Variants in NRG1 observed in about 807,000 individuals in gnomAD.
The protein encoded by NRG1 is pro-neuregulin-1, membrane-bound isoform.
A neutral mutation model predicts 63.8 loss-of-function variants in NRG1; 18 were observed. That is an observed-to-expected ratio of 0.28 (90% CI 0.19 to 0.42). The LOEUF (loss-of-function observed/expected upper bound fraction) is 0.42. Among genes scored for constraint, NRG1 ranks in the 10% least tolerant of loss-of-function variants. The pLI is 1.00. For missense variants in NRG1, 762 were observed against 814.7 expected (o/e 0.94, Z 0.79); for synonymous variants, 302 against 301.3 (o/e 1.00, Z -0.02).
intron 1 of NRG1, among the ~76,000 whole-genome samples, chr8:32,429,707 T>C (rs1016604552): frequency 6.6e-6 from 1 of 152,172 alleles, no homozygotes; most frequent in Non-Finnish European, 1.5e-5. Flanking sequence ...AAAGAAGTTA[T>C]CGCAAACAGT....
intron 7 of NRG1, chr8:32,743,055 A>G (rs945315481): frequency 1.8e-6 from 2 of 1,113,894 alleles, no homozygotes; most frequent in African/African-American, 3.2e-5. Flanking sequence ...TCAAAGTCTC[A>G]CTTTTATTGA....
At chr8:31,756,415 G>A (rs866847359) in intron 1 of NRG1, among the ~76,000 whole-genome samples, 7 of 152,180 alleles carry the variant, frequency 4.6e-5, no homozygotes, top group Non-Finnish European at 1.0e-4. Context: ...AGAAGTCAGT[G>A]AAGTCAACCT....
intron 1 of NRG1, among the ~76,000 whole-genome samples, chr8:31,762,451 G>T (rs1483249993): frequency 6.6e-6 from 1 of 152,158 alleles, no homozygotes; most frequent in East Asian, 1.9e-4. Context: ...GTCACTGATG[G>T]GCATATGGAC....
intron 1 of NRG1, among the ~76,000 whole-genome samples, chr8:32,159,446 A>G (rs1024736160): frequency 6.7e-6 from 1 of 148,470 alleles, no homozygotes; most frequent in Non-Finnish European, 1.5e-5. Context: ...AGGCAGGAGA[A>G]TGGCGTGAAC....
intron 1 of NRG1, among the ~76,000 whole-genome samples, chr8:31,754,424 G>A (rs898723719): frequency 1.3e-5 from 2 of 152,036 alleles, no homozygotes; most frequent in South Asian, 2.1e-4. Flanking sequence ...GCCGTGTGAC[G>A]TGGCTACACC....
intron 1 of NRG1, among the ~76,000 whole-genome samples, chr8:32,505,886 T>C (rs541789956): frequency 1.1e-4 from 16 of 152,306 alleles, no homozygotes; most frequent in African/African-American, 3.8e-4. Flanking sequence ...CTAGTGTTTT[T>C]TAGGGTCCTT....
At chr8:32,466,866 A>T in intron 1 of NRG1, among the ~76,000 whole-genome samples, 1 of 152,260 alleles carries the variant, frequency 6.6e-6, no homozygotes, top group East Asian at 1.9e-4. Context: ...TCTGATACAT[A>T]TGTGAATATT....
intron 1 of NRG1, among the ~76,000 whole-genome samples, chr8:32,123,533 G>A (rs1014393914): frequency 1.6e-4 from 24 of 150,974 alleles, no homozygotes; most frequent in Non-Finnish European, 2.5e-4. Flanking sequence ...CATTAGCAGC[G>A]TGAGAACAGA....
intron 1 of NRG1, among the ~76,000 whole-genome samples, chr8:31,672,525 T>C (rs984571479): frequency 1.3e-5 from 2 of 152,136 alleles, no homozygotes; most frequent in African/African-American, 4.8e-5. Context: ...TGCTAGCTCA[T>C]GTTTTAGAAC....
chr8:31,664,748 A>G (rs1806349416), intron 1 of NRG1, among the ~76,000 whole-genome samples: 1 of 152,168 alleles, frequency 6.6e-6, no homozygotes. Context: ...CTGAACTGTT[A>G]TTGGAGAGGG....
chr8:32,507,153 A>T lies in NRG1; in HGVS notation c.38-88675A>T, dbSNP rs377547473. 3.1e-4 allele frequency among the ~76,000 whole-genome samples: 33 copies of T among 106,688 alleles called. 1 individual carries two copies. The East Asian group carries it at 3.1e-3, about 10-fold the overall frequency. The allele number at this position is 106,688 out of a possible 152,430, so 70.0% of individuals were successfully genotyped here. ...AGCTCTAAGTCAGAATGGTGAAAAA[A>T]ATCCTTTATAGAAGTACAAAGATGG... On this transcript the variant is annotated intron_variant, in intron 1 of 10. Coordinates refer to the NRG1 transcript ENST00000519301.
At chr8:32,277,984 T>C (rs369944545) in intron 1 of NRG1, among the ~76,000 whole-genome samples, 1 of 152,238 alleles carries the variant, frequency 6.6e-6, no homozygotes, top group Non-Finnish European at 1.5e-5. Flanking sequence ...CTTTGGCTCC[T>C]GGATTCTCCA....
chr8:31,812,324 G>A (rs907646208), intron 1 of NRG1, among the ~76,000 whole-genome samples: 4 of 152,164 alleles, frequency 2.6e-5, no homozygotes, highest in African/African-American at 7.2e-5. Flanking sequence ...CAGGGTTTCT[G>A]ATTTACGAAG....
intron 1 of NRG1, among the ~76,000 whole-genome samples, chr8:31,809,014 T>A (rs1351027923): frequency 6.6e-6 from 1 of 152,234 alleles, no homozygotes; most frequent in East Asian, 1.9e-4. Context: ...TACATTTGGT[T>A]AATACTTTGG....
At chr8:32,595,140 C>T (rs917912098) in intron 1 of NRG1, among the ~76,000 whole-genome samples, 4 of 152,062 alleles carry the variant, frequency 2.6e-5, no homozygotes, top group Admixed American at 6.6e-5. Context: ...GATGTGAACA[C>T]GCTTTAAAAA....
At chr8:31,935,135 T>C (rs576797007) in intron 1 of NRG1, among the ~76,000 whole-genome samples, 87 of 151,556 alleles carry the variant, frequency 5.7e-4, no homozygotes, top group Middle Eastern at 3.4e-3. Context: ...TTTTTTGTAT[T>C]TTTTTTGTTT....
intron 1 of NRG1, among the ~76,000 whole-genome samples, chr8:32,193,199 T>G (rs1350591780): frequency 6.6e-6 from 1 of 152,146 alleles, no homozygotes; most frequent in African/African-American, 2.4e-5. Context: ...GAGGATCCTT[T>G]ATTTGTGGGT....
At chr8:31,720,067 T>C (rs1812754077) in intron 1 of NRG1, among the ~76,000 whole-genome samples, 1 of 152,198 alleles carries the variant, frequency 6.6e-6, no homozygotes, top group Non-Finnish European at 1.5e-5. Context: ...AAAATACATG[T>C]TTAATGAAAG....
intron 1 of NRG1, among the ~76,000 whole-genome samples, chr8:32,240,075 C>T (rs1847951066): frequency 6.6e-6 from 1 of 152,108 alleles, no homozygotes; most frequent in African/African-American, 2.4e-5. Flanking sequence ...GAAGTAAAAA[C>T]TTAGACTCAG....
Sources: allele counts gnomAD v4.1 joint callset (sites outside exome capture counted in the v4.1 genomes callset), GRCh38; gene constraint gnomAD v4.1.1; transcripts MANE v1.5; gene names NCBI Gene and HGNC (gene_info 2026-07-23, HGNC 2026-07-21).